SMARCC1: variants seen among roughly 807,000 people sequenced by gnomAD.
SMARCC1 encodes SWI/SNF complex subunit SMARCC1.
In SMARCC1, 43 loss-of-function variants were observed where a neutral mutation model predicts 147.4. That is an observed-to-expected ratio of 0.29 (90% CI 0.23 to 0.38). SMARCC1 has a LOEUF of 0.38. Ranked by LOEUF, SMARCC1 falls within the 10% of genes least tolerant of loss-of-function variation. The probability of loss-of-function intolerance (pLI) is 1.00; values close to 1 mark genes in which losing one functional copy is unlikely to be tolerated. For synonymous variants in SMARCC1, 495 were observed against 484.4 expected, an observed-to-expected ratio of 1.02 and a Z score of -0.29; for missense variants, 1,119 against 1,381.1, an observed-to-expected ratio of 0.81 and a Z score of 3.01.
intron 2 of SMARCC1, among the ~76,000 whole-genome samples, chr3:47,754,127 C>A (rs2034660858): frequency 6.6e-6 from 1 of 152,000 alleles, no homozygotes; most frequent in Admixed American, 6.6e-5. Flanking sequence ...AGCATTGACA[C>A]CAATCACTGA....
At chr3:47,724,769 C>A (rs2034278805) in intron 6 of SMARCC1, among the ~76,000 whole-genome samples, 1 of 152,114 alleles carries the variant, frequency 6.6e-6, no homozygotes, top group South Asian at 2.1e-4. Context: ...AGATCTCTTG[C>A]ACGTGACTGT....
At chr3:47,723,296 G>A (rs1449948608) in intron 6 of SMARCC1, among the ~76,000 whole-genome samples, 1 of 149,422 alleles carries the variant, frequency 6.7e-6, no homozygotes, top group African/African-American at 2.5e-5. Context: ...ATATCATACA[G>A]TTAATATAAT....
chr3:47,685,693 C>T (rs1180596089), intron 14 of SMARCC1, among the ~76,000 whole-genome samples: 2 of 152,016 alleles, frequency 1.3e-5, no homozygotes, highest in Admixed American at 6.6e-5. Context: ...CCCATCTCTA[C>T]TAAAAATACA....
At chr3:47,682,249 C>T (rs548010434) in intron 14 of SMARCC1, among the ~76,000 whole-genome samples, 1 of 148,972 alleles carries the variant, frequency 6.7e-6, no homozygotes, top group African/African-American at 2.5e-5. Context: ...GAGCCGATAT[C>T]GCGCCACTGC....
intron 21 of SMARCC1, among the ~76,000 whole-genome samples, chr3:47,658,773 T>A (rs1263490679): frequency 6.6e-6 from 1 of 152,160 alleles, no homozygotes; most frequent in African/African-American, 2.4e-5. Context: ...AGACACAAAC[T>A]ACCAAAACTG....
intron 2 of SMARCC1, among the ~76,000 whole-genome samples, chr3:47,770,599 GGCAACACA>G (rs1437096788): frequency 1.3e-5 from 2 of 151,736 alleles, no homozygotes; most frequent in African/African-American, 4.8e-5. Context: ...CTGCAGCCTG[GGCAACACA>G]GCAAGACTTT....
At chr3:47,652,249 C>G (rs2033199704) in intron 21 of SMARCC1, among the ~76,000 whole-genome samples, 1 of 152,116 alleles carries the variant, frequency 6.6e-6, no homozygotes, top group African/African-American at 2.4e-5. Context: ...GGATTACGAG[C>G]ATAAGCCACA....
chr3:47,686,073 T>C lies in SMARCC1; in HGVS notation c.1361A>G (p.Tyr454Cys), dbSNP rs13079660. 1.2e-5 allele frequency: 20 copies of C among 1,613,200 alleles called. No individual in the cohort carries two copies. Among genetic ancestry groups the C allele is most frequent in the Non-Finnish European group, 1.7e-5 (20 of 1,179,256 alleles). The change falls in exon 14 of 28, where the codon TAT becomes TGT. Residue 454 changes from tyrosine to cysteine, a missense_variant. By Grantham distance (194) the Tyr-to-Cys change is radical. Around this residue, in one of 6 missense-constraint regions of SMARCC1, gnomAD observed 542 missense variants for 611.8 expected, o/e 0.89. Coordinates refer to ENST00000254480, the MANE Select transcript of SMARCC1 (RefSeq NM_003074.4). The part of the protein sequence containing the change: ...EQTNHIIIPS[Y>C]ASWFDYNCIH... ...CCAGTTATAATCAAACCATGATGCA[T>C]AACTAGGAATAATAATGTGATTGGT...
chr3:47,600,198 C>T (rs1030592473), intron 26 of SMARCC1, among the ~76,000 whole-genome samples: 1 of 152,188 alleles, frequency 6.6e-6, no homozygotes, highest in African/African-American at 2.4e-5. Context: ...GGCTCCTTGG[C>T]AGCAAAAATG....
rs544791079 is a variant in SMARCC1 at position 47,711,641 on chromosome 3, T to C, written c.793-833A>G. The stretch of plus-strand genomic sequence containing the variant: ...AAACAAGATACACTGTGGCAATGAC[T>C]AGAAAACAATATGAACTTCCTAGTA... On this transcript the variant is annotated intron_variant, in intron 8 of 27. Coordinates refer to ENST00000254480, the MANE Select transcript of SMARCC1 (RefSeq NM_003074.4). 3.9e-5 allele frequency among the ~76,000 whole-genome samples: 6 copies of C among 152,338 alleles called. No homozygotes were observed. In the South Asian group the frequency reaches 8.3e-4, roughly 21 times the overall value.
At chr3:47,746,921 G>T (rs1444477696) in intron 2 of SMARCC1, among the ~76,000 whole-genome samples, 1 of 151,684 alleles carries the variant, frequency 6.6e-6, no homozygotes, top group South Asian at 2.1e-4. Flanking sequence ...GTAGAGACAG[G>T]GTTTCTCTAT....
intron 21 of SMARCC1, among the ~76,000 whole-genome samples, chr3:47,659,772 C>A (rs867791508): frequency 4.8e-3 from 209 of 43,690 alleles, no homozygotes; most frequent in East Asian, 5.8e-3. Context: ...GGGGGGGGGG[C>A]AAGAATCTGA....
intron 2 of SMARCC1, among the ~76,000 whole-genome samples, chr3:47,757,763 G>A (rs774913784): frequency 7.0e-6 from 1 of 142,360 alleles, no homozygotes. Flanking sequence ...CAGCCTGGGC[G>A]ACAAAGCGAG....
At chr3:47,667,548 G>A (rs2033437895) in intron 19 of SMARCC1, among the ~76,000 whole-genome samples, 1 of 152,102 alleles carries the variant, frequency 6.6e-6, no homozygotes, top group Admixed American at 6.6e-5. Context: ...AATTATAAAT[G>A]AACAGGAAGA....
chr3:47,753,283 C>A (rs1302845973), intron 2 of SMARCC1, among the ~76,000 whole-genome samples: 1 of 149,850 alleles, frequency 6.7e-6, no homozygotes, highest in East Asian at 1.9e-4. Flanking sequence ...TGAGAACGCA[C>A]CACTGCACTC....
At chr3:47,591,596 G>A (rs560514116) in intron 26 of SMARCC1, among the ~76,000 whole-genome samples, 6 of 151,714 alleles carry the variant, frequency 4.0e-5, no homozygotes, top group African/African-American at 1.4e-4. Flanking sequence ...AGGCTGGAGT[G>A]CAGTGGCATG....
intron 7 of SMARCC1, among the ~76,000 whole-genome samples, chr3:47,717,341 A>G (rs1315203554): frequency 6.6e-6 from 1 of 152,216 alleles, no homozygotes; most frequent in Non-Finnish European, 1.5e-5. Context: ...GAAAAACTCC[A>G]TACTGTGGTA....
intron 2 of SMARCC1, among the ~76,000 whole-genome samples, chr3:47,764,425 A>T (rs1016733111): frequency 2.6e-5 from 4 of 152,238 alleles, no homozygotes; most frequent in African/African-American, 9.6e-5. Context: ...AAAAAGTAAA[A>T]ATATAGAAAA....
intron 2 of SMARCC1, among the ~76,000 whole-genome samples, chr3:47,749,831 C>T (rs546562860): frequency 2.0e-5 from 3 of 151,384 alleles, no homozygotes; most frequent in African/African-American, 4.8e-5. Context: ...GCCTACAATC[C>T]GAGCACTTTG....
Sources: allele counts gnomAD v4.1 joint callset (sites outside exome capture counted in the v4.1 genomes callset), GRCh38; gene constraint gnomAD v4.1.1; regional missense constraint gnomAD v4.1.1; transcripts MANE v1.5; gene names NCBI Gene and HGNC (gene_info 2026-07-23, HGNC 2026-07-21).